Variants in TMC2 observed in about 807,000 individuals in gnomAD.
TMC2 encodes transmembrane channel like 2.
Under a neutral mutation model 105.9 loss-of-function variants are expected in TMC2, and 102 were observed. The observed-to-expected ratio is 0.96, with a 90% CI of 0.82 to 1.14. TMC2 has a LOEUF of 1.14. Among genes scored for constraint, TMC2 ranks in the 50% most tolerant of loss-of-function variants. The pLI, the probability that TMC2 is intolerant of heterozygous loss-of-function variation, is 0.00. For missense variants in TMC2, 1,093 were observed against 1,134.3 expected (o/e 0.96, Z 0.52); for synonymous variants, 402 against 422.8 (o/e 0.95, Z 0.60).
intron 17 of TMC2, among the ~76,000 whole-genome samples, chr20:2,631,752 G>T (rs2086605033): frequency 1.4e-5 from 2 of 141,172 alleles, no homozygotes; most frequent in Non-Finnish European, 1.5e-5. Context: ...AGATCTCTTT[G>T]AGTTTATCCT....
chr20:2,588,787 A>G (rs542567517), intron 7 of TMC2, among the ~76,000 whole-genome samples: 2 of 149,714 alleles, frequency 1.3e-5, no homozygotes, highest in East Asian at 4.0e-4. Context: ...AGTATCTTCC[A>G]TCTTTTTCTC....
intron 2 of TMC2, among the ~76,000 whole-genome samples, chr20:2,544,592 C>T (rs2085911829): frequency 6.6e-6 from 1 of 152,200 alleles, no homozygotes; most frequent in Non-Finnish European, 1.5e-5. Flanking sequence ...ACATTCCCCA[C>T]CTTGGGAGAT....
intron 2 of TMC2, among the ~76,000 whole-genome samples, chr20:2,546,854 A>G (rs1251030140): frequency 1.3e-5 from 2 of 152,156 alleles, no homozygotes; most frequent in African/African-American, 4.8e-5. Flanking sequence ...TTTCATGACA[A>G]TGAAACTGAT....
At chr20:2,543,933 C>T (rs2085907532) in intron 2 of TMC2, among the ~76,000 whole-genome samples, 1 of 147,322 alleles carries the variant, frequency 6.8e-6, no homozygotes, top group African/African-American at 2.5e-5. Flanking sequence ...GACAGAGTCT[C>T]GCTCTGTCAC....
intron 13 of TMC2, 39 bp from the exon 14 acceptor site, chr20:2,613,155 A>G: frequency 1.3e-6 from 2 of 1,594,360 alleles, no homozygotes; most frequent in Admixed American, 3.4e-5. Flanking sequence ...GAAGTGGGCA[A>G]GGTCTCCAAC....
chr20:2,573,893 T>A (rs2086123606), intron 5 of TMC2, among the ~76,000 whole-genome samples: 1 of 152,204 alleles, frequency 6.6e-6, no homozygotes, highest in African/African-American at 2.4e-5. Context: ...TTTCATCTGA[T>A]TATGTTCATA....
intron 3 of TMC2, among the ~76,000 whole-genome samples, chr20:2,559,222 C>G (rs1289167796): frequency 1.3e-5 from 2 of 152,240 alleles, no homozygotes; most frequent in Admixed American, 1.3e-4. Context: ...ACACCTCGTT[C>G]CGGCTTCCGG....
intron 10 of TMC2, among the ~76,000 whole-genome samples, chr20:2,599,539 A>ATTTTCTTT (rs1439640342): frequency 1.2e-5 from 1 of 85,512 alleles, no homozygotes; most frequent in African/African-American, 4.8e-5. Flanking sequence ...CTTTAATTAC[A>ATTTTCTTT]TTTTTTTTTT....
At chr20:2,610,764 A>C (rs1468553650) in intron 12 of TMC2, among the ~76,000 whole-genome samples, 166 bp downstream of exon 12, 6 of 152,106 alleles carry the variant, frequency 3.9e-5, no homozygotes. Context: ...CCCAAAGATG[A>C]CCATTGTTAA....
At chr20:2,571,007 G>T (rs192145263) in intron 4 of TMC2, among the ~76,000 whole-genome samples, 1 of 152,266 alleles carries the variant, frequency 6.6e-6, no homozygotes, top group Admixed American at 6.5e-5. Context: ...GCACAAGATG[G>T]ATTAAATACT....
rs529163019 is a variant in TMC2 at position 2,615,990 on chromosome 20, C to A, written c.1873-147C>A. 3.8e-4 allele frequency: 219 copies of A among 570,658 alleles called. 1 individual carries two copies. Among genetic ancestry groups the A allele is most frequent in the African/African-American group, 3.5e-3 (186 of 52,920 alleles). 35.3% of individuals were successfully genotyped at this position (570,658 alleles called of 1,614,324 possible). On this transcript the variant is annotated intron_variant, in intron 14 of 19. Coordinates refer to ENST00000358864, the MANE Select transcript of TMC2 (RefSeq NM_080751.3). ...ATATTAAAGAAATAGAATGCTAAAT[C>A]TAAGGTTCTTCTCTAGTTACCAGAG...
At chr20:2,550,572 A>C (rs2085950806) in intron 2 of TMC2, among the ~76,000 whole-genome samples, 1 of 152,114 alleles carries the variant, frequency 6.6e-6, no homozygotes, top group African/African-American at 2.4e-5. Flanking sequence ...TATATCATGT[A>C]TCCATCATCA....
chr20:2,539,540 C>T lies in TMC2; in HGVS notation c.82+2224C>T, dbSNP rs149907176. Among the ~76,000 whole-genome samples the T allele has an allele frequency of 6.6e-5, 10 of 152,302 alleles. No individual in the cohort carries two copies. The East Asian group carries it at 1.4e-3, about 21-fold the overall frequency. ...GCAAACAATGACGTTCCTATTCAGT[C>T]CTTTCAAGCAACATAGAGCTGATCT... On this transcript the variant is annotated intron_variant, in intron 2 of 19. Transcript: ENST00000358864.
intron 2 of TMC2, among the ~76,000 whole-genome samples, chr20:2,545,694 G>GGAA (rs1362099154): frequency 3.1e-5 from 2 of 65,356 alleles, no homozygotes; most frequent in Admixed American, 4.2e-4. Flanking sequence ...GAAAGAAGAA[G>GGAA]GAAGAAGAAA....
At chr20:2,540,380 G>A (rs955460288) in intron 2 of TMC2, among the ~76,000 whole-genome samples, 3 of 151,976 alleles carry the variant, frequency 2.0e-5, no homozygotes, top group African/African-American at 7.2e-5. Context: ...CATGGACATG[G>A]CCGGGCACAG....
chr20:2,579,232 G>A lies in TMC2; in HGVS notation c.727+5G>A. On this transcript the variant is annotated splice_donor_5th_base_variant and intron_variant, in intron 6 of 19. Transcript: ENST00000358864. ...TGAAGATCAAGGACATTGAAAGTGA[G>A]TATGCTGGTGTCACTGTTTTTTTAA... is the stretch of plus-strand genomic sequence containing the variant. 2.6e-6 allele frequency: 4 copies of A among 1,549,108 alleles called. No homozygotes were observed. Among genetic ancestry groups the A allele is most frequent in the Non-Finnish European group, 3.6e-6 (4 of 1,121,054 alleles).
intron 4 of TMC2, among the ~76,000 whole-genome samples, chr20:2,566,703 A>G (rs546468145): frequency 7.9e-5 from 12 of 152,372 alleles, no homozygotes; most frequent in Admixed American, 6.5e-4. Context: ...TTGAAAAGGT[A>G]GAAAGAAGAA....
intron 7 of TMC2, among the ~76,000 whole-genome samples, chr20:2,582,145 G>A (rs1449388711): frequency 6.6e-6 from 1 of 152,200 alleles, no homozygotes; most frequent in South Asian, 2.1e-4. Context: ...TTAAAAGAGA[G>A]GAATCAGAGT....
At position 2,641,676 on chromosome 20, in the gene TMC2, A is replaced by T. The variant is rs1432384575; in HGVS notation, c.*325A>T. 2 of 265,820 alleles carry T rather than the reference A, an allele frequency of 7.5e-6. No homozygotes were observed. Among genetic ancestry groups the T allele is most frequent in the Middle Eastern group, 1.3e-3 (1 of 762 alleles). The allele number at this position is 265,820 out of a possible 1,614,324, so 16.5% of individuals were successfully genotyped here. ...TCGGAGTTGGGGAAGGGCCATGACCACCCTCGTAGACTTTTTCCATGGGAT... is the reference window on the plus strand; with the variant it reads ...TCGGAGTTGGGGAAGGGCCATGACCTCCCTCGTAGACTTTTTCCATGGGAT... On this transcript the variant is annotated 3_prime_UTR_variant, in exon 20 of 20. Coordinates refer to ENST00000358864, the MANE Select transcript of TMC2 (RefSeq NM_080751.3).
Sources: gnomAD v4.1 joint callset for allele counts (sites outside exome capture counted in the v4.1 genomes callset) on GRCh38, gnomAD v4.1.1 for gene constraint, MANE v1.5 for transcripts, NCBI Gene and HGNC (gene_info 2026-07-23, HGNC 2026-07-21) for gene names.